MPND: variants seen among roughly 807,000 people sequenced by gnomAD.
The protein encoded by MPND is MPN domain-containing protein.
MPND carries 56 observed loss-of-function variants against 59.2 expected under a neutral mutation model. That is an observed-to-expected ratio of 0.95 (90% CI 0.76 to 1.18). The LOEUF (loss-of-function observed/expected upper bound fraction) is 1.18. MPND is among the 50% of genes most tolerant of loss of function. The pLI, the probability that MPND is intolerant of heterozygous loss-of-function variation, is 0.00. For missense variants in MPND, 671 were observed against 676.0 expected (o/e 0.99, Z 0.08); for synonymous variants, 323 against 291.9 (o/e 1.11, Z -1.09).
At chr19:4,347,375 G>A (rs1162378586) in intron 3 of MPND, 1 of 151,922 alleles carries the variant, frequency 6.6e-6, no homozygotes, top group Admixed American at 6.6e-5. Context: ...CGAGTAGCTG[G>A]GACTACAGGC....
At position 4,357,575 on chromosome 19, in the gene MPND, C is replaced by T; in HGVS notation, c.1226C>T (p.Pro409Leu). The stretch of plus-strand genomic sequence containing the variant: ...AAGATCTCACCTTTCTGGGTGATGC[C>T]TCCTCCCGAGGTAGGTGGGGCTGTT... ...ESKISPFWVM[P>L]PPEQRPSDYG... Residue 409 changes from proline to leucine, a missense_variant, in exon 10 of 13, where the codon CCT becomes CTT. Transcript: ENST00000599840. 1.2e-6 allele frequency: 2 copies of T among 1,612,576 alleles called. No homozygotes were observed. The highest frequency in any genetic ancestry group is 1.7e-6 in the Non-Finnish European group (2 of 1,179,356).
chr19:4,346,008 G>C (rs887730616), intron 3 of MPND, 27 bp downstream of exon 3: 1 of 1,589,562 alleles, frequency 6.3e-7, no homozygotes, highest in Middle Eastern at 1.8e-4. Flanking sequence ...CCTCCAGGAA[G>C]CCGCCCAGGT....
chr19:4,354,808 G>A, intron 6 of MPND, 141 bp from the exon 7 acceptor site: 1 of 818,004 alleles, frequency 1.2e-6, no homozygotes, highest in Non-Finnish European at 1.9e-6. Context: ...AGGTTGCGGT[G>A]AGCCAAGATC....
At chr19:4,349,485 C>T (rs375122546) in intron 3 of MPND, among the ~76,000 whole-genome samples, 10 of 150,328 alleles carry the variant, frequency 6.7e-5, no homozygotes, top group South Asian at 2.1e-4. Flanking sequence ...GGGAGGCTGC[C>T]GAGTCCTCAG....
chr19:4,357,274 C>G lies in MPND; in HGVS notation c.1018C>G (p.Arg340Gly), dbSNP rs569249456. Reference protein sequence around the residue: ...EEEIYQSLFLRGLSLVGWYHS... With the variant: ...EEEIYQSLFLGGLSLVGWYHS... Reference sequence around the variant, plus strand: ...CCAGATCTACCAGAGCCTGTTCCTGCGGGGCCTGTCCCTGGTGGGCTGGTA... The same window carrying G: ...CCAGATCTACCAGAGCCTGTTCCTGGGGGGCCTGTCCCTGGTGGGCTGGTA... Residue 340 changes from arginine to glycine, a missense_variant, in exon 9 of 13, where the codon CGG (arginine) becomes GGG (glycine). Physicochemically the swap from Arg to Gly is moderately radical, Grantham distance 125. Transcript: ENST00000599840. The G allele has an allele frequency of 1.2e-6, 2 of 1,608,460 alleles. No individual in the cohort carries two copies. Among genetic ancestry groups the G allele is most frequent in the African/African-American group, 1.3e-5 (1 of 74,834 alleles).
In MPND at chr19:4,355,123, T is replaced by A. The variant is rs759888114; in HGVS notation, c.946T>A (p.Cys316Ser). The change falls in exon 8 of 13, where the codon TGT (cysteine) becomes AGT (serine). Residue 316 changes from cysteine to serine, a missense_variant. By Grantham distance (112) the Cys-to-Ser change is moderately radical. Transcript: ENST00000599840. ...GCTGACGGTGCTCAGAGCCTTCCCT[T>A]GTCGGAGCCGGCTCGGGGACGCAGA... Reference protein sequence around the residue: ...QMLTVLRAFPCRSRLGDAETA... With the variant: ...QMLTVLRAFPSRSRLGDAETA... 2 of 1,613,588 alleles carry A rather than the reference T, an allele frequency of 1.2e-6. No individual in the cohort carries two copies. The highest frequency in any genetic ancestry group is 1.7e-6 in the Non-Finnish European group (2 of 1,179,998).
At chr19:4,354,836 C>T in intron 6 of MPND, 113 bp from the exon 7 acceptor site, 1 of 1,127,760 alleles carries the variant, frequency 8.9e-7, no homozygotes, top group Admixed American at 2.8e-5. Context: ...TGCCCTCCAG[C>T]CTGGGCGACA....
At chr19:4,350,192 G>C (rs915316961) in intron 3 of MPND, among the ~76,000 whole-genome samples, 1 of 152,122 alleles carries the variant, frequency 6.6e-6, no homozygotes. Flanking sequence ...AGGCCCTGGG[G>C]CACGACCGTG....
At chr19:4,357,682 G>C (rs376489414) in intron 10 of MPND, 97 bp downstream of exon 10, 4 of 1,274,848 alleles carry the variant, frequency 3.1e-6, no homozygotes, top group Non-Finnish European at 4.3e-6. Flanking sequence ...CTCCACTGGA[G>C]AGTTGGGGCC....
At chr19:4,346,179 A>T (rs138358352) in intron 3 of MPND, among the ~76,000 whole-genome samples, 198 bp downstream of exon 3, 1 of 152,126 alleles carries the variant, frequency 6.6e-6, no homozygotes, top group African/African-American at 2.4e-5. Flanking sequence ...GCTTTGAGGG[A>T]TGAGCAGGAG....
chr19:4,352,573 A>C (rs1197967962), intron 3 of MPND, among the ~76,000 whole-genome samples: 1 of 152,104 alleles, frequency 6.6e-6, no homozygotes, highest in African/African-American at 2.4e-5. Flanking sequence ...AACCCCAGCT[A>C]CTCAGGAGGC....
intron 3 of MPND, among the ~76,000 whole-genome samples, chr19:4,350,333 A>G (rs998426593): frequency 1.3e-5 from 2 of 151,920 alleles, no homozygotes; most frequent in Non-Finnish European, 2.9e-5. Flanking sequence ...TATGGGGAGA[A>G]CTTGGGCTTT....
At chr19:4,359,681 C>T (rs896057750) in intron 12 of MPND, among the ~76,000 whole-genome samples, 1 of 152,120 alleles carries the variant, frequency 6.6e-6, no homozygotes, top group African/African-American at 2.4e-5. Context: ...GGGGCAGGAT[C>T]GGGAGTGTGC....
intron 4 of MPND, 31 bp downstream of exon 4, chr19:4,353,060 G>C (rs748923240): frequency 6.6e-5 from 87 of 1,324,936 alleles, no homozygotes; most frequent in Admixed American, 2.4e-4. Flanking sequence ...AGGCAGGACA[G>C]GGGCGGATAC....
chr19:4,345,040 C>CTTTT (rs773615575), intron 2 of MPND, among the ~76,000 whole-genome samples: 25 of 66,454 alleles, frequency 3.8e-4, no homozygotes, highest in East Asian at 1.3e-3. Context: ...CATGCCCGGC[C>CTTTT]TTTTTTTTTT....
chr19:4,354,786 C>T (rs1321631690), intron 6 of MPND, among the ~76,000 whole-genome samples, 163 bp from the exon 7 acceptor site: 2 of 152,186 alleles, frequency 1.3e-5, no homozygotes, highest in Non-Finnish European at 2.9e-5. Context: ...ATGGCTTGAA[C>T]TGGGGAGGCG....
chr19:4,344,903 A>G (rs1599563917), intron 2 of MPND, among the ~76,000 whole-genome samples: 1 of 140,426 alleles, frequency 7.1e-6, no homozygotes, highest in African/African-American at 2.6e-5. Flanking sequence ...CGCCTGGCTA[A>G]TTTTTTTTTT....
At chr19:4,358,373 C>T in intron 11 of MPND, 1 of 584,838 alleles carries the variant, frequency 1.7e-6, no homozygotes, top group Non-Finnish European at 3.1e-6. Context: ...CCCTCACCTC[C>T]CCACCTGCTG....
chr19:4,355,172 A>T lies in MPND; in HGVS notation c.995A>T (p.Glu332Val), dbSNP rs764971420. The T allele has an allele frequency of 3.1e-6, 5 of 1,612,024 alleles. No homozygotes were observed. Among genetic ancestry groups the T allele is most frequent in the Admixed American group, 3.3e-5 (2 of 59,940 alleles). ...GAGACTGCAGCTGCCATCGAAGAGGAGGTGAGGGGCTACCTGGGAGGTGGC... is the reference window on the plus strand; with the variant it reads ...GAGACTGCAGCTGCCATCGAAGAGGTGGTGAGGGGCTACCTGGGAGGTGGC... The part of the protein sequence containing the change: ...DAETAAAIEE[E>V]IYQSLFLRGL... The change falls in exon 8 of 13, where the codon GAG becomes GTG. Residue 332 changes from glutamate (E) to valine (V), a missense_variant and splice_region_variant. By Grantham distance (121) the Glu-to-Val change is moderately radical (BLOSUM62 -2). Coordinates refer to ENST00000599840, the MANE Select transcript of MPND (RefSeq NM_001300862.2).
Sources: allele counts gnomAD v4.1 joint callset (sites outside exome capture counted in the v4.1 genomes callset), GRCh38; gene constraint gnomAD v4.1.1; transcripts MANE v1.5; gene names NCBI Gene and HGNC (gene_info 2026-07-23, HGNC 2026-07-21).